TTLL10: variants seen among roughly 807,000 people sequenced by gnomAD.
TTLL10 encodes the protein inactive polyglycylase TTLL10.
Under a neutral mutation model 69.0 loss-of-function variants are expected in TTLL10, and 61 were observed. The observed-to-expected ratio is 0.88, with a 90% CI of 0.72 to 1.09. The LOEUF is 1.09. TTLL10 is among the 50% of genes least tolerant of loss of function. The pLI, the probability that TTLL10 is intolerant of heterozygous loss-of-function variation, is 0.00. For missense variants in TTLL10, 962 were observed against 945.9 expected (o/e 1.02, Z -0.22); for synonymous variants, 408 against 393.3 (o/e 1.04, Z -0.44).
At chr1:1,191,412 C>A (rs1647768553) in intron 13 of TTLL10, among the ~76,000 whole-genome samples, 1 of 152,044 alleles carries the variant, frequency 6.6e-6, no homozygotes, top group Non-Finnish European at 1.5e-5. Flanking sequence ...GGCAACACAG[C>A]AAAACCCCAT....
At chr1:1,180,964 G>A in intron 8 of TTLL10, 104 bp downstream of exon 8, 1 of 1,079,096 alleles carries the variant, frequency 9.3e-7, no homozygotes, top group South Asian at 1.8e-5. Flanking sequence ...GCCCGCCCCT[G>A]CCCTTGCCCC....
intron 13 of TTLL10, among the ~76,000 whole-genome samples, chr1:1,195,475 T>C (rs10907176): frequency 0.096 from 14,303 of 148,830 alleles, 805 homozygotes; most frequent in East Asian, 0.15. Context: ...TATTCTCTAT[T>C]ATTTGATAAG....
At chr1:1,174,537 C>T (rs1460996781) in intron 3 of TTLL10, 48 bp downstream of exon 3, 2 of 152,270 alleles carry the variant, frequency 1.3e-5, no homozygotes, top group Non-Finnish European at 2.9e-5. Context: ...CACCAAGTTT[C>T]CACGCCGCCT....
At position 1,180,866 on chromosome 1, in the gene TTLL10, T is replaced by TCTGCCC. The variant is rs1288349269; in HGVS notation, c.755+20_755+25dup. On this transcript the variant is annotated splice_region_variant and intron_variant, in intron 8 of 15. Transcript: ENST00000379289. ...CCGGGGGGGGTCCAGGCCAGGTGAGTCTGCCCCTGCCCCTGCCCCCGTCCC... is the reference window on the plus strand; with the variant it reads ...CCGGGGGGGGTCCAGGCCAGGTGAGTCTGCCCCTGCCCCTGCCCCTGCCCCCGTCCC... 35 of 1,555,020 alleles carry TCTGCCC rather than the reference T, an allele frequency of 2.3e-5. No homozygotes were observed. The highest frequency in any genetic ancestry group is 1.2e-4 in the East Asian group (5 of 41,034).
intron 9 of TTLL10, among the ~76,000 whole-genome samples, chr1:1,182,146 G>C (rs1234638601): frequency 6.6e-6 from 1 of 152,228 alleles, no homozygotes; most frequent in African/African-American, 2.4e-5. Flanking sequence ...CCGGGTGGGG[G>C]TCAGCGGCCA....
In TTLL10 at chr1:1,179,324, C is replaced by A; in HGVS notation, c.109C>A (p.Arg37=). The change falls in exon 4 of 16, where the codon CGA becomes AGA. Residue 37 remains arginine (R), a synonymous_variant. Coordinates refer to ENST00000379289, the MANE Select transcript of TTLL10 (RefSeq NM_001130045.2). ...AAGGATCCAGCAGAGGCCTCGGGCT[C>A]GAGTCTCAGGTGAATAGAGCAGCCC... ...RPRIQQRPRA[R]VSGTIPASRL... The A allele has an allele frequency of 1.9e-6, 3 of 1,551,200 alleles. No homozygotes were observed. The highest frequency in any genetic ancestry group is 2.6e-6 in the Non-Finnish European group (3 of 1,146,834).
At position 1,180,763 on chromosome 1, in the gene TTLL10, A is replaced by C. The variant is rs754640598; in HGVS notation, c.658A>C (p.Lys220Gln). The C allele has an allele frequency of 6.2e-7, 1 of 1,608,198 alleles. No individual in the cohort carries two copies. The highest frequency in any genetic ancestry group is 8.5e-7 in the Non-Finnish European group (1 of 1,177,768). The part of the protein sequence containing the change: ...EQLLYQLPNN[K>Q]LLTTKIGLLS... ...GCTGCTGTACCAGCTTCCCAACAAC[A>C]AGCTCCTCACCACCAAGATCGGGCT... Residue 220 changes from lysine to glutamine, a missense_variant, in exon 8 of 16, where the codon AAG becomes CAG. By Grantham distance (53) the Lys-to-Gln change is moderately conservative. Coordinates refer to ENST00000379289, the MANE Select transcript of TTLL10 (RefSeq NM_001130045.2).
Position 1,180,346 on chromosome 1 carries a change from T to A in TTLL10, c.506+6T>A. 1 of 1,559,570 alleles carries A rather than the reference T, an allele frequency of 6.4e-7. No homozygotes were observed. On this transcript the variant is annotated splice_donor_region_variant and intron_variant, in intron 6 of 15. Coordinates refer to ENST00000379289, the MANE Select transcript of TTLL10 (RefSeq NM_001130045.2). ...GGCAGCAACGGGGCCACAATGTGAG[T>A]AGCGGCCCTGGGCGCCCGTGGTCCC...
chr1:1,187,714 G>C (rs1647448585), intron 13 of TTLL10, among the ~76,000 whole-genome samples: 1 of 152,148 alleles, frequency 6.6e-6, no homozygotes, highest in African/African-American at 2.4e-5. Context: ...AGACCAGCCT[G>C]GCCAATGTGG....
intron 13 of TTLL10, among the ~76,000 whole-genome samples, chr1:1,188,529 C>G (rs1647512414): frequency 6.6e-6 from 1 of 151,936 alleles, no homozygotes; most frequent in Admixed American, 6.6e-5. Context: ...CTCAGCCTCC[C>G]TAGTAGCTGG....
At position 1,183,904 on chromosome 1, in the gene TTLL10, G is replaced by A. The variant is rs370985312; in HGVS notation, c.1089-16G>A. ...CCCCGTGGCTCAGCCCAGCAGCCCC[G>A]ACATGGTGCCCCCAGGTACATCCAG... On this transcript the variant is annotated splice_polypyrimidine_tract_variant and intron_variant, in intron 11 of 15. Transcript: ENST00000379289. 8.9e-5 allele frequency: 143 copies of A among 1,613,946 alleles called. No individual in the cohort carries two copies. The highest frequency in any genetic ancestry group is 3.3e-4 in the Middle Eastern group (2 of 6,058).
intron 3 of TTLL10, among the ~76,000 whole-genome samples, chr1:1,178,295 C>G (rs1646935228): frequency 6.6e-6 from 1 of 152,214 alleles, no homozygotes; most frequent in East Asian, 1.9e-4. Flanking sequence ...CACAGTGGCT[C>G]ACACCTGTTA....
At position 1,185,377 on chromosome 1, in the gene TTLL10, G is replaced by A; in HGVS notation, c.1401+268G>A. The A allele has an allele frequency of 7.6e-6, 10 of 1,323,644 alleles. No individual in the cohort carries two copies. Among genetic ancestry groups the A allele is most frequent in the Non-Finnish European group, 9.6e-6 (10 of 1,038,548 alleles). The allele number at this position is 1,323,644 out of a possible 1,614,324, so 82.0% of individuals were successfully genotyped here. On this transcript the variant is annotated intron_variant, in intron 13 of 15. Coordinates refer to ENST00000379289, the MANE Select transcript of TTLL10 (RefSeq NM_001130045.2). The surrounding 1 kb of genome is among the most constrained non-coding windows in gnomAD (Gnocchi z 6.1). ...CGCGGGCAGCCTCGCCGTAGGGTCA[G>A]GGGACAGCTCGGCTTCAGTGACAGC... is the stretch of plus-strand genomic sequence containing the variant.
At chr1:1,183,077 G>T (rs1348648061) in intron 11 of TTLL10, 30 bp downstream of exon 11, 4 of 1,559,386 alleles carry the variant, frequency 2.6e-6, no homozygotes, top group Admixed American at 1.9e-5. Flanking sequence ...GAGGGGTGAG[G>T]GTCTGGGCTG....
At position 1,197,515 on chromosome 1, in the gene TTLL10, C is replaced by T. The variant is rs1157843170; in HGVS notation, c.1690C>T (p.Leu564Phe). Residue 564 changes from leucine (L) to phenylalanine (F), a missense_variant, in exon 16 of 16, where the codon CTC becomes TTC. Transcript: ENST00000379289. ...LPLLSQRRFV[L>F]LHNGEADPRP... ...TCTGCTGTCCCAGCGCCGCTTCGTG[C>T]TCCTGCACAACGGTGAGGCCGACCC... The T allele has an allele frequency of 1.3e-6, 2 of 1,540,334 alleles. No homozygotes were observed. The highest frequency in any genetic ancestry group is 2.4e-5 in the South Asian group (2 of 83,532).
chr1:1,179,582 T>A, intron 4 of TTLL10, 75 bp from the exon 5 acceptor site: 1 of 1,542,740 alleles, frequency 6.5e-7, no homozygotes, highest in Non-Finnish European at 8.8e-7. Context: ...GGGCAGCCCC[T>A]CGTCTCCCGG....
chr1:1,189,220 T>G (rs1485741802), intron 13 of TTLL10, among the ~76,000 whole-genome samples: 1 of 152,268 alleles, frequency 6.6e-6, no homozygotes, highest in Non-Finnish European at 1.5e-5. Flanking sequence ...TTGTTCCTGA[T>G]CTGAGGAGGA....
At chr1:1,177,281 TGTGC>T (rs1433266623) in intron 3 of TTLL10, among the ~76,000 whole-genome samples, 1 of 152,128 alleles carries the variant, frequency 6.6e-6, no homozygotes, top group Non-Finnish European at 1.5e-5. Context: ...GCTGTGTGTC[TGTGC>T]GTGTGTGTGT....
intron 13 of TTLL10, among the ~76,000 whole-genome samples, chr1:1,195,146 A>C (rs1031232386): frequency 3.9e-5 from 6 of 152,044 alleles, no homozygotes; most frequent in Non-Finnish European, 5.9e-5. Flanking sequence ...ACGCACCATC[A>C]CATCTGGCTA....
Sources: allele counts gnomAD v4.1 joint callset (sites outside exome capture counted in the v4.1 genomes callset), GRCh38; gene constraint gnomAD v4.1.1; non-coding constraint Gnocchi (gnomAD v3.1); transcripts MANE v1.5; gene names NCBI Gene and HGNC (gene_info 2026-07-23, HGNC 2026-07-21).